Variants in SLC24A2 observed in about 807,000 individuals in gnomAD.
The protein encoded by SLC24A2 is sodium/potassium/calcium exchanger 2.
A neutral mutation model predicts 62.0 loss-of-function variants in SLC24A2; 36 were observed. The ratio of observed to expected loss-of-function variants is 0.58; its 90% CI spans 0.44 to 0.77. The LOEUF is 0.77. Ranked by LOEUF, SLC24A2 falls within the 30% of genes least tolerant of loss-of-function variation. The pLI is 0.00. For missense variants in SLC24A2, 846 were observed against 817.9 expected (o/e 1.03, Z -0.42); for synonymous variants, 358 against 294.0 (o/e 1.22, Z -2.23).
the SLC24A2 span, among the ~76,000 whole-genome samples, chr9:20,210,637 CTTTTTTTTTTTTTTTTTTTTTTT>C: frequency 1.2e-5 from 1 of 80,870 alleles, no homozygotes; most frequent in Admixed American, 1.6e-4. Flanking sequence ...CAACGCCCGG[CTTTTTTTTTTTTTTTTTTTTTTT>C]TTTTTTTTTT....
rs76701970 is a variant in SLC24A2 at position 19,623,385 on chromosome 9, A to T, written c.931-1086T>A. Among the ~76,000 whole-genome samples, 657 of 152,276 alleles carry T rather than the reference A, an allele frequency of 4.3e-3. 9 individuals are homozygous for T. Among genetic ancestry groups the T allele is most frequent in the African/African-American group, 0.015 (605 of 41,552 alleles). ...CTTGGAGGAGAGTAGCCAGATGCAG[A>T]ACAGTTTTAAAACCTTCATGTGCTC... On this transcript the variant is annotated intron_variant, in intron 2 of 10. Transcript: ENST00000341998.
the SLC24A2 span, among the ~76,000 whole-genome samples, chr9:19,895,231 T>A: frequency 4.0e-5 from 5 of 124,056 alleles, no homozygotes; most frequent in African/African-American, 1.1e-4. Flanking sequence ...TTTATTTTGT[T>A]TTTTTTTTTT....
chr9:19,763,537 T>C (rs553184003), intron 2 of SLC24A2, among the ~76,000 whole-genome samples: 51 of 152,362 alleles, frequency 3.3e-4, no homozygotes, highest in African/African-American at 1.2e-3. Flanking sequence ...TGTTGAATTT[T>C]ATCAAAGGCC....
chr9:19,690,960 T>G (rs1444433170), intron 2 of SLC24A2, among the ~76,000 whole-genome samples: 1 of 151,810 alleles, frequency 6.6e-6, no homozygotes. Context: ...AGAGAGAGAA[T>G]GTGTATTGGC....
the SLC24A2 span, among the ~76,000 whole-genome samples, chr9:20,154,148 T>C: frequency 2.0e-5 from 3 of 151,884 alleles, no homozygotes; most frequent in African/African-American, 7.2e-5. Context: ...ATAAATGAGA[T>C]ACAATAGCAA....
chr9:19,763,315 T>TC (rs1822403706), intron 2 of SLC24A2, among the ~76,000 whole-genome samples: 2 of 152,222 alleles, frequency 1.3e-5, no homozygotes, highest in Non-Finnish European at 2.9e-5. Context: ...TGTTTCTTTC[T>TC]CTTGCCTAAT....
At chr9:19,709,391 C>A (rs543308297) in intron 2 of SLC24A2, among the ~76,000 whole-genome samples, 4 of 152,266 alleles carry the variant, frequency 2.6e-5, no homozygotes, top group African/African-American at 9.6e-5. Context: ...TTGACCCAGC[C>A]ATCCCATTAC....
At chr9:19,808,442 G>GA in the SLC24A2 span, among the ~76,000 whole-genome samples, 1 of 152,114 alleles carries the variant, frequency 6.6e-6, no homozygotes, top group Non-Finnish European at 1.5e-5. The surrounding 1 kb of genome is among the most constrained non-coding windows in gnomAD (Gnocchi z 4.1). Flanking sequence ...TTAAGAACAA[G>GA]AGTTTTCTGA....
At chr9:19,980,430 G>T in the SLC24A2 span, among the ~76,000 whole-genome samples, 1 of 152,180 alleles carries the variant, frequency 6.6e-6, no homozygotes, top group African/African-American at 2.4e-5. Flanking sequence ...ACCATCAAGT[G>T]CAGGGAAGGA....
the SLC24A2 span, among the ~76,000 whole-genome samples, chr9:20,160,207 A>T: frequency 2.0e-5 from 3 of 151,484 alleles, no homozygotes; most frequent in Non-Finnish European, 4.4e-5. Flanking sequence ...AAAATACTTT[A>T]TAGTGCTAAA....
At chr9:19,909,388 G>C in the SLC24A2 span, among the ~76,000 whole-genome samples, 20 of 152,088 alleles carry the variant, frequency 1.3e-4, no homozygotes, top group East Asian at 3.5e-3. Context: ...TGTAAATGAC[G>C]AGTTAATGGG....
At chr9:19,971,993 A>G in the SLC24A2 span, among the ~76,000 whole-genome samples, 1 of 152,218 alleles carries the variant, frequency 6.6e-6, no homozygotes, top group African/African-American at 2.4e-5. Context: ...ACTAACAAGT[A>G]GAGCTAGATG....
chr9:19,562,165 T>C (rs894001642), intron 7 of SLC24A2, among the ~76,000 whole-genome samples: 12 of 152,354 alleles, frequency 7.9e-5, no homozygotes, highest in African/African-American at 2.9e-4. Flanking sequence ...TTTGTTGTTT[T>C]CATGGGCTTT....
the SLC24A2 span, among the ~76,000 whole-genome samples, chr9:20,275,409 G>A: frequency 6.6e-6 from 1 of 152,308 alleles, no homozygotes; most frequent in South Asian, 2.1e-4. Context: ...GTGAAAATGT[G>A]TATAGATACA....
chr9:19,718,311 T>TTA (rs61597285), intron 2 of SLC24A2, among the ~76,000 whole-genome samples: 2 of 133,338 alleles, frequency 1.5e-5, no homozygotes, highest in African/African-American at 3.0e-5. Flanking sequence ...TTTTTTTTTT[T>TTA]AGACAGGGTC....
the SLC24A2 span, among the ~76,000 whole-genome samples, chr9:19,956,741 C>G: frequency 6.6e-6 from 1 of 152,172 alleles, no homozygotes; most frequent in Non-Finnish European, 1.5e-5. Flanking sequence ...CCAGATTCCT[C>G]CCATGACACA....
the SLC24A2 span, among the ~76,000 whole-genome samples, chr9:19,865,812 G>A: frequency 3.7e-3 from 561 of 152,122 alleles, 3 homozygotes; most frequent in African/African-American, 0.012. Flanking sequence ...AATAATACCC[G>A]ATAAGCACAG....
chr9:19,641,994 T>C (rs1460942080), intron 2 of SLC24A2, among the ~76,000 whole-genome samples: 1 of 152,114 alleles, frequency 6.6e-6, no homozygotes, highest in African/African-American at 2.4e-5. Flanking sequence ...ACTAAGGGTA[T>C]AGCTTCCACA....
At chr9:20,130,248 T>G in the SLC24A2 span, among the ~76,000 whole-genome samples, 1 of 151,938 alleles carries the variant, frequency 6.6e-6, no homozygotes, top group Non-Finnish European at 1.5e-5. Context: ...CATAAATATC[T>G]ACTCTCAAGA....
Sources: gnomAD v4.1 joint callset for allele counts (sites outside exome capture counted in the v4.1 genomes callset) on GRCh38, gnomAD v4.1.1 for gene constraint, Gnocchi (gnomAD v3.1) non-coding constraint, MANE v1.5 for transcripts, NCBI Gene and HGNC (gene_info 2026-07-23, HGNC 2026-07-21) for gene names.